Variants in MYPN observed in about 807,000 individuals in gnomAD.
MYPN encodes myopalladin, also known as sarcomeric protein myopalladin, 145 kDa (MYOP).
In MYPN, 63 loss-of-function variants were observed where a neutral mutation model predicts 129.4. The ratio of observed to expected loss-of-function variants is 0.49; its 90% CI spans 0.40 to 0.60. MYPN has a LOEUF of 0.60. MYPN is among the 20% of genes least tolerant of loss of function. The pLI is 0.00. For missense variants in MYPN, 1,596 were observed against 1,635.4 expected (o/e 0.98, Z 0.42); for synonymous variants, 629 against 600.9 (o/e 1.05, Z -0.68).
intron 1 of MYPN, among the ~76,000 whole-genome samples, chr10:68,119,618 C>T (rs879214738): frequency 1.3e-5 from 2 of 152,044 alleles, no homozygotes; most frequent in Admixed American, 1.3e-4. Flanking sequence ...CACCATGCTG[C>T]CCAGGCTGGT....
At chr10:68,114,771 C>T (rs573234507) in intron 1 of MYPN, among the ~76,000 whole-genome samples, 1 of 152,230 alleles carries the variant, frequency 6.6e-6, no homozygotes. Flanking sequence ...GTCTATGTTG[C>T]CAAATTATTT....
intron 16 of MYPN, 61 bp downstream of exon 16, chr10:68,197,539 C>A: frequency 1.3e-6 from 2 of 1,588,096 alleles, no homozygotes; most frequent in Non-Finnish European, 1.7e-6. Flanking sequence ...TGTTTGCATT[C>A]ATTTTTATTT....
chr10:68,152,718 C>A (rs76744586), intron 6 of MYPN, among the ~76,000 whole-genome samples: 13,777 of 152,192 alleles, frequency 0.091, 945 homozygotes, highest in African/African-American at 0.19. Flanking sequence ...TCACTGCAAC[C>A]TTGGCCCCCC....
intron 3 of MYPN, among the ~76,000 whole-genome samples, chr10:68,143,553 G>A (rs543451987): frequency 2.0e-5 from 3 of 152,158 alleles, no homozygotes; most frequent in African/African-American, 7.2e-5. Flanking sequence ...TGTGGCCAGG[G>A]TGGAGTGAGC....
chr10:68,152,732 G>T (rs61857529), intron 6 of MYPN, among the ~76,000 whole-genome samples: 20,383 of 152,046 alleles, frequency 0.13, 1,686 homozygotes, highest in Middle Eastern at 0.22. Context: ...GCCCCCCCGG[G>T]TTTAAGCGAT....
intron 18 of MYPN, among the ~76,000 whole-genome samples, chr10:68,204,502 A>C (rs1389448096): frequency 7.2e-5 from 11 of 152,112 alleles, no homozygotes. Context: ...CAGGTGGATC[A>C]CCTTTGGTCA....
intron 10 of MYPN, among the ~76,000 whole-genome samples, chr10:68,170,025 AC>A (rs1275068282): frequency 6.6e-6 from 1 of 152,146 alleles, no homozygotes; most frequent in East Asian, 1.9e-4. Context: ...GGTGTGAGCC[AC>A]CCACCGCACC....
chr10:68,144,889 C>T (rs749040633), intron 3 of MYPN, among the ~76,000 whole-genome samples: 16 of 152,158 alleles, frequency 1.1e-4, no homozygotes, highest in South Asian at 4.1e-4. Context: ...CATATGTGAA[C>T]GCTTAGAAGT....
At chr10:68,153,260 C>T (rs951600501) in intron 6 of MYPN, among the ~76,000 whole-genome samples, 5 of 152,178 alleles carry the variant, frequency 3.3e-5, no homozygotes, top group Non-Finnish European at 5.9e-5. Flanking sequence ...GTTGGGATTA[C>T]AGGCGTGAGC....
At chr10:68,188,348 G>C (rs924989152) in intron 12 of MYPN, among the ~76,000 whole-genome samples, 5 of 151,046 alleles carry the variant, frequency 3.3e-5, no homozygotes, top group Non-Finnish European at 5.9e-5. Flanking sequence ...GGCCTCAGGT[G>C]ATCCACCTAC....
intron 6 of MYPN, among the ~76,000 whole-genome samples, chr10:68,154,775 G>C (rs1297140970): frequency 6.6e-6 from 1 of 152,186 alleles, no homozygotes; most frequent in Non-Finnish European, 1.5e-5. Context: ...CCAGCATTAT[G>C]TTTGTGGTTA....
At chr10:68,138,110 C>CT (rs71009009) in intron 2 of MYPN, among the ~76,000 whole-genome samples, 47,293 of 142,932 alleles carry the variant, frequency 0.33, 8,128 homozygotes, top group East Asian at 0.45. Context: ...CTTTTTTCTT[C>CT]TTTTTTTTTT....
upstream of MYPN, among the ~76,000 whole-genome samples, chr10:68,102,893 T>G (rs2041988808): frequency 6.6e-6 from 1 of 152,220 alleles, no homozygotes; most frequent in South Asian, 2.1e-4. Context: ...TTATCCCTTT[T>G]AGTGACATTA....
At chr10:68,208,714 A>T (rs1334148377) in intron 19 of MYPN, among the ~76,000 whole-genome samples, 1 of 152,096 alleles carries the variant, frequency 6.6e-6, no homozygotes, top group African/African-American at 2.4e-5. Context: ...AACAATAGGC[A>T]GTGCTGTTTC....
intron 1 of MYPN, among the ~76,000 whole-genome samples, chr10:68,090,709 C>T (rs8181450): frequency 0.12 from 17,614 of 151,984 alleles, 1,422 homozygotes; most frequent in East Asian, 0.4. Context: ...AATGTTATAC[C>T]CATTGTTCAT....
intron 10 of MYPN, among the ~76,000 whole-genome samples, chr10:68,168,923 C>A (rs1056600733): frequency 8.0e-5 from 11 of 137,244 alleles, no homozygotes; most frequent in African/African-American, 2.9e-4. Context: ...AACCCAGGCA[C>A]AGAGGTTGCA....
At position 68,188,956 on chromosome 10, in the gene MYPN, C is replaced by G. The variant is rs189478865; in HGVS notation, c.2755C>G (p.Arg919Gly). The G allele has an allele frequency of 1.2e-6, 2 of 1,614,120 alleles. No homozygotes were observed. Among genetic ancestry groups the G allele is most frequent in the South Asian group, 2.2e-5 (2 of 91,074 alleles). Residue 919 changes from arginine (R) to glycine (G), a missense_variant, in exon 13 of 20, where the codon CGC (arginine) becomes GGC (glycine). Coordinates refer to ENST00000358913, the MANE Select transcript of MYPN (RefSeq NM_032578.4). Reference sequence around the variant, plus strand: ...GAGGCTGATGAATGAAATAGAGTTTCGCTTGGAACGTACTCCTGTTGATGA... The same window carrying G: ...GAGGCTGATGAATGAAATAGAGTTTGGCTTGGAACGTACTCCTGTTGATGA... ...EQRLMNEIEF[R>G]LERTPVDESD... is the part of the protein sequence containing the mutation.
chr10:68,130,285 A>C (rs567889115), intron 2 of MYPN, among the ~76,000 whole-genome samples: 139 of 152,040 alleles, frequency 9.1e-4, no homozygotes, highest in African/African-American at 2.5e-3. Context: ...CATTGTGAAA[A>C]CCCGTCTCTA....
intron 18 of MYPN, among the ~76,000 whole-genome samples, chr10:68,203,706 C>CAT (rs56307029): frequency 0.5 from 60,383 of 119,844 alleles, 13,100 homozygotes; most frequent in South Asian, 0.59. Context: ...CACACACACA[C>CAT]ACACATACAC....
Sources: allele counts gnomAD v4.1 joint callset (sites outside exome capture counted in the v4.1 genomes callset), GRCh38; gene constraint gnomAD v4.1.1; transcripts MANE v1.5; gene names NCBI Gene and HGNC (gene_info 2026-07-23, HGNC 2026-07-21).